Variants in CEP57L1 observed in about 807,000 individuals in gnomAD.
CEP57L1 encodes the protein centrosomal protein CEP57L1.
A neutral mutation model predicts 61.0 loss-of-function variants in CEP57L1; 37 were observed. The ratio of observed to expected loss-of-function variants is 0.61; its 90% CI spans 0.47 to 0.80. The LOEUF (loss-of-function observed/expected upper bound fraction) is 0.80, where lower values mean the gene tolerates loss of function less well. Ranked by LOEUF, CEP57L1 falls within the 30% of genes least tolerant of loss-of-function variation. CEP57L1 has a pLI of 0.00. For synonymous variants in CEP57L1, 137 were observed against 162.3 expected, an observed-to-expected ratio of 0.84 and a Z score of 1.19; for missense variants, 422 against 524.7, an observed-to-expected ratio of 0.80 and a Z score of 1.91.
intron 1 of CEP57L1, among the ~76,000 whole-genome samples, chr6:109,096,189 G>A (rs373209751): frequency 2.0e-5 from 3 of 152,240 alleles, no homozygotes; most frequent in Non-Finnish European, 4.4e-5. Flanking sequence ...AAAAGTCGAG[G>A]TTTGAACGGC....
At chr6:109,157,217 G>A (rs1032868124) in intron 7 of CEP57L1, 1 of 152,276 alleles carries the variant, frequency 6.6e-6, no homozygotes, top group South Asian at 2.1e-4. Flanking sequence ...TGCAAATAAT[G>A]ATGTCTCTTT....
At chr6:109,133,123 C>T (rs967648184) in intron 1 of CEP57L1, among the ~76,000 whole-genome samples, 11 of 152,120 alleles carry the variant, frequency 7.2e-5, no homozygotes, top group Non-Finnish European at 1.3e-4. Context: ...TACTATGTAT[C>T]AGACATATTT....
Position 109,172,826 on chromosome 6 carries a change from C to T in CEP57L1, c.*9856C>T, listed in dbSNP as rs1205050574. Reference sequence around the variant, plus strand: ...ATAAGTCTAGTTAATAAAACTAGGGCCATGTGTTACTACAACATAGGAGTT... The same window carrying T: ...ATAAGTCTAGTTAATAAAACTAGGGTCATGTGTTACTACAACATAGGAGTT... On this transcript the variant is annotated 3_prime_UTR_variant, in exon 11 of 11. Coordinates refer to ENST00000517392, the MANE Select transcript of CEP57L1 (RefSeq NM_001271852.3). Among the ~76,000 whole-genome samples the T allele has an allele frequency of 6.6e-6, 1 of 152,136 alleles. No homozygotes were observed. The highest frequency in any genetic ancestry group is 2.4e-5 in the African/African-American group (1 of 41,430).
chr6:109,142,946 GCTCTCTCTCTCTCTCTCT>G (rs35714375), intron 1 of CEP57L1, among the ~76,000 whole-genome samples: 858 of 55,532 alleles, frequency 0.015, 8 homozygotes, highest in Admixed American at 0.02. Flanking sequence ...TGTCTCTCTT[GCTCTCTCTCTCTCTCTCT>G]CTCTCTCTCT....
chr6:109,158,441 A>G (rs1221553764), intron 7 of CEP57L1: 1 of 335,584 alleles, frequency 3.0e-6, no homozygotes, highest in African/African-American at 2.2e-5. Flanking sequence ...GTGAGCCAAG[A>G]TCATACCACT....
At chr6:109,117,160 ACTT>A (rs1772404704) in intron 1 of CEP57L1, among the ~76,000 whole-genome samples, 1 of 152,182 alleles carries the variant, frequency 6.6e-6, no homozygotes, top group Non-Finnish European at 1.5e-5. Context: ...TTTGTGTCAA[ACTT>A]CTTTCCAAAC....
chr6:109,133,168 T>G (rs1774390859), intron 1 of CEP57L1, among the ~76,000 whole-genome samples: 1 of 152,080 alleles, frequency 6.6e-6, no homozygotes, highest in African/African-American at 2.4e-5. Context: ...CATTTAATCC[T>G]TAGAGCAATC....
chr6:109,139,006 C>CT (rs1771049447), intron 1 of CEP57L1, among the ~76,000 whole-genome samples: 1 of 152,176 alleles, frequency 6.6e-6, no homozygotes, highest in African/African-American at 2.4e-5. Flanking sequence ...AAAGAAAGCA[C>CT]TTTACAGCTT....
In CEP57L1 at chr6:109,159,472, T is replaced by G. The variant is rs375569257; in HGVS notation, c.1016+10T>G. 1 of 1,606,832 alleles carries G rather than the reference T, an allele frequency of 6.2e-7. No individual in the cohort carries two copies. The highest frequency in any genetic ancestry group is 8.5e-7 in the Non-Finnish European group (1 of 1,177,014). ...TGGACCAAATGAGCATGTAAGTATT[T>G]ATATTCTTTTTTTTTTTCAAGAGAC... On this transcript the variant is annotated intron_variant, in intron 9 of 10. Coordinates refer to ENST00000517392, the MANE Select transcript of CEP57L1 (RefSeq NM_001271852.3).
intron 1 of CEP57L1, among the ~76,000 whole-genome samples, chr6:109,096,156 C>T (rs1211799985): frequency 6.6e-6 from 1 of 152,076 alleles, no homozygotes; most frequent in Non-Finnish European, 1.5e-5. Context: ...AATTAGTTTG[C>T]TTTTAAAAAG....
intron 10 of CEP57L1, among the ~76,000 whole-genome samples, chr6:109,161,462 AT>A (rs1773711218): frequency 6.6e-6 from 1 of 152,158 alleles, no homozygotes; most frequent in African/African-American, 2.4e-5. Context: ...CAAAATCATC[AT>A]TCATATAAGT....
chr6:109,128,626 A>G (rs1217778897), intron 1 of CEP57L1, among the ~76,000 whole-genome samples: 1 of 152,196 alleles, frequency 6.6e-6, no homozygotes, highest in Non-Finnish European at 1.5e-5. Context: ...CAAATAAATT[A>G]TAAACTCCTT....
intron 1 of CEP57L1, among the ~76,000 whole-genome samples, chr6:109,116,067 A>G (rs191374909): frequency 6.7e-6 from 1 of 149,068 alleles, no homozygotes; most frequent in African/African-American, 2.6e-5. Context: ...CTGGAATTCT[A>G]TTTCCTCCCT....
intron 1 of CEP57L1, among the ~76,000 whole-genome samples, chr6:109,105,659 A>G (rs1770841711): frequency 6.6e-6 from 1 of 152,120 alleles, no homozygotes; most frequent in Non-Finnish European, 1.5e-5. Context: ...TTTATTTGCC[A>G]TTATCCCTAT....
chr6:109,141,277 G>T (rs1305173485), intron 1 of CEP57L1, among the ~76,000 whole-genome samples: 1 of 151,816 alleles, frequency 6.6e-6, no homozygotes, highest in African/African-American at 2.4e-5. Flanking sequence ...GTGTAGTGGC[G>T]CAATCTCGGC....
At chr6:109,109,182 A>T (rs544351803) in intron 1 of CEP57L1, among the ~76,000 whole-genome samples, 1 of 152,218 alleles carries the variant, frequency 6.6e-6, no homozygotes, top group Non-Finnish European at 1.5e-5. Context: ...GTATATAAAC[A>T]TTATAGACAT....
At chr6:109,099,140 G>C (rs1782068619) in intron 1 of CEP57L1, among the ~76,000 whole-genome samples, 1 of 152,208 alleles carries the variant, frequency 6.6e-6, no homozygotes, top group African/African-American at 2.4e-5. Flanking sequence ...GGAGGTGGAG[G>C]AGGCAGTTGA....
intron 1 of CEP57L1, among the ~76,000 whole-genome samples, chr6:109,095,848 G>T (rs1034131952): frequency 6.6e-6 from 1 of 152,204 alleles, no homozygotes; most frequent in Admixed American, 6.5e-5. Context: ...GCTTCGCGCT[G>T]CTGCCTCTGA....
At chr6:109,131,693 T>A (rs995550006) in intron 1 of CEP57L1, among the ~76,000 whole-genome samples, 2 of 151,904 alleles carry the variant, frequency 1.3e-5, no homozygotes, top group African/African-American at 4.8e-5. Flanking sequence ...TAAAAAAAAT[T>A]TTTTTAAGTA....
Sources: gnomAD v4.1 joint callset for allele counts (sites outside exome capture counted in the v4.1 genomes callset) on GRCh38, gnomAD v4.1.1 for gene constraint, MANE v1.5 for transcripts, NCBI Gene and HGNC (gene_info 2026-07-23, HGNC 2026-07-21) for gene names.